KIF16B: variants seen among roughly 807,000 people sequenced by gnomAD.
The protein encoded by KIF16B is kinesin-like protein KIF16B.
Under a neutral mutation model 156.3 loss-of-function variants are expected in KIF16B, and 98 were observed. The ratio of observed to expected loss-of-function variants is 0.63; its 90% confidence interval spans 0.53 to 0.74. The LOEUF is 0.74. Ranked by LOEUF, KIF16B falls within the 30% of genes least tolerant of loss-of-function variation. The pLI is 0.00. For missense variants in KIF16B, 1,421 were observed against 1,606.5 expected (o/e 0.88, Z 1.97); for synonymous variants, 564 against 583.7 (o/e 0.97, Z 0.49).
chr20:16,552,413 G>A (rs561357106), intron 1 of KIF16B, among the ~76,000 whole-genome samples: 98 of 152,306 alleles, frequency 6.4e-4, no homozygotes, highest in Admixed American at 1.0e-3. Context: ...TATGAGCTTC[G>A]TTGAGGTTTT....
chr20:16,379,445 C>G lies in KIF16B; in HGVS notation c.2557G>C (p.Glu853Gln), dbSNP rs1400475040. 2 of 1,613,646 alleles carry G rather than the reference C, an allele frequency of 1.2e-6. No individual in the cohort carries two copies. The highest frequency in any genetic ancestry group is 1.6e-4 in the Middle Eastern group (1 of 6,062). ...LVQQKDILKK[E>Q]VQEEQEILEC... Reference sequence around the variant, plus strand: ...AGGATCTCCTGTTCTTCTTGGACTTCTTTTTTCAGGATGTCTTTCTGCTGA... The same window carrying G: ...AGGATCTCCTGTTCTTCTTGGACTTGTTTTTTCAGGATGTCTTTCTGCTGA... The change falls in exon 19 of 26, where the codon GAA (glutamate) becomes CAA (glutamine). Residue 853 changes from glutamate to glutamine, a missense_variant. Transcript: ENST00000354981.
intron 1 of KIF16B, among the ~76,000 whole-genome samples, chr20:16,538,680 T>G (rs1464380235): frequency 6.6e-6 from 1 of 152,152 alleles, no homozygotes; most frequent in African/African-American, 2.4e-5. Context: ...GATACATGAG[T>G]TAGAAGAACA....
rs2064701051 is a variant in KIF16B, at chr20:16,367,514, T to G, written c.3498+3072A>C. 20 of 1,612,886 alleles carry G rather than the reference T, an allele frequency of 1.2e-5. No individual in the cohort carries two copies. In the East Asian group the frequency reaches 4.5e-4, roughly 36 times the overall value. On this transcript the variant is annotated intron_variant, in intron 22 of 25. Transcript: ENST00000354981. ...TCCTTCACCAGTGCAATGTGGGTGT[T>G]CAGAAGGACTAGCGACTGGCACTGG... is the stretch of plus-strand genomic sequence containing the variant.
At chr20:16,511,847 A>G (rs902004475) in intron 5 of KIF16B, among the ~76,000 whole-genome samples, 1 of 152,170 alleles carries the variant, frequency 6.6e-6, no homozygotes, top group Admixed American at 6.5e-5. Flanking sequence ...GATTTCCAAG[A>G]CTGTATCAAG....
chr20:16,466,016 A>C (rs893353835), intron 12 of KIF16B, among the ~76,000 whole-genome samples: 1 of 152,250 alleles, frequency 6.6e-6, no homozygotes, highest in Admixed American at 6.5e-5. Context: ...TAACCACCAC[A>C]GATTTTAGAA....
intron 15 of KIF16B, among the ~76,000 whole-genome samples, chr20:16,408,699 T>C (rs1242224131): frequency 1.3e-5 from 2 of 152,126 alleles, no homozygotes; most frequent in Non-Finnish European, 2.9e-5. Flanking sequence ...GTTATCTGCA[T>C]GAAATACACA....
At chr20:16,326,747 C>G (rs888530858) in intron 24 of KIF16B, among the ~76,000 whole-genome samples, 1 of 151,900 alleles carries the variant, frequency 6.6e-6, no homozygotes, top group Non-Finnish European at 1.5e-5. Context: ...AGTACAACCA[C>G]TATAGAAAAC....
At chr20:16,572,997 G>T (rs1193205672) in intron 1 of KIF16B, among the ~76,000 whole-genome samples, 2 of 152,098 alleles carry the variant, frequency 1.3e-5, no homozygotes, top group Non-Finnish European at 2.9e-5. Context: ...TAATACGATG[G>T]AGAGAGTTAA....
chr20:16,331,304 C>T (rs1203948596), intron 24 of KIF16B, among the ~76,000 whole-genome samples: 1 of 152,166 alleles, frequency 6.6e-6, no homozygotes, highest in Non-Finnish European at 1.5e-5. Context: ...AGACCTGTCA[C>T]ACCAAACTGT....
chr20:16,379,246 G>A lies in KIF16B; in HGVS notation c.2756C>T (p.Thr919Ile). Reference protein sequence around the residue: ...LQYLLQNHLPTLLEEKQRAFE... With the variant: ...LQYLLQNHLPILLEEKQRAFE... ...TGCTCTCTGCTTTTCTTCCAACAGA[G>A]TTGGCAAGTGATTCTGCAGGAGGTA... Residue 919 changes from threonine (T) to isoleucine (I), a missense_variant, in exon 19 of 26, where the codon ACT (threonine) becomes ATT (isoleucine). Thr to Ile is a moderately conservative substitution (Grantham distance 89). Coordinates refer to ENST00000354981, the MANE Select transcript of KIF16B (RefSeq NM_024704.5). The A allele has an allele frequency of 1.2e-6, 2 of 1,614,114 alleles. No individual in the cohort carries two copies. Among genetic ancestry groups the A allele is most frequent in the Non-Finnish European group, 1.7e-6 (2 of 1,180,036 alleles).
At chr20:16,490,019 C>T (rs1014513025) in intron 12 of KIF16B, among the ~76,000 whole-genome samples, 2 of 151,976 alleles carry the variant, frequency 1.3e-5, no homozygotes, top group South Asian at 2.1e-4. Flanking sequence ...GGGACAGGAC[C>T]GCCGCCTGCA....
chr20:16,279,397 G>A (rs993555312), intron 25 of KIF16B, among the ~76,000 whole-genome samples: 1 of 152,176 alleles, frequency 6.6e-6, no homozygotes. Context: ...GCAGTTTCAG[G>A]AGAGCCTTTG....
chr20:16,553,456 G>T lies in KIF16B; in HGVS notation c.47+19773C>A, dbSNP rs894198957. Among the ~76,000 whole-genome samples the T allele has an allele frequency of 2.6e-5, 4 of 152,268 alleles. No individual in the cohort carries two copies. The South Asian group carries it at 6.2e-4, about 24-fold the overall frequency. ...GGGATCGTACCCTTACTCATCTCTA[G>T]CCAAGAAAAGCTCTGTGGCTTTTAT... is the stretch of plus-strand genomic sequence containing the variant. On this transcript the variant is annotated intron_variant, in intron 1 of 25. Coordinates refer to ENST00000354981, the MANE Select transcript of KIF16B (RefSeq NM_024704.5).
chr20:16,566,548 G>A (rs992125390), intron 1 of KIF16B, among the ~76,000 whole-genome samples: 1 of 152,148 alleles, frequency 6.6e-6, no homozygotes, highest in African/African-American at 2.4e-5. Flanking sequence ...GCTTACTTTT[G>A]GGCCCAGCAC....
chr20:16,463,123 C>T (rs1331128291), intron 12 of KIF16B, among the ~76,000 whole-genome samples: 7 of 152,180 alleles, frequency 4.6e-5, no homozygotes, highest in Admixed American at 6.5e-5. Context: ...TAAAACCAAC[C>T]GCATCTCGCT....
intron 17 of KIF16B, chr20:16,382,211 T>A: frequency 2.6e-6 from 2 of 779,530 alleles, no homozygotes; most frequent in Non-Finnish European, 3.7e-6. Flanking sequence ...TAGGAAGGAA[T>A]ATCAGGAGAA....
intron 25 of KIF16B, among the ~76,000 whole-genome samples, chr20:16,278,743 G>C (rs1000407863): frequency 3.3e-5 from 5 of 152,166 alleles, no homozygotes; most frequent in Non-Finnish European, 4.4e-5. Flanking sequence ...GCAGAAGAAG[G>C]GGGGATGTGG....
chr20:16,531,231 A>T (rs992186739), intron 1 of KIF16B, among the ~76,000 whole-genome samples: 1 of 152,072 alleles, frequency 6.6e-6, no homozygotes, highest in African/African-American at 2.4e-5. Context: ...GTCCCCTCTG[A>T]AAGATCAAAG....
At chr20:16,307,675 T>C (rs146469897) in intron 25 of KIF16B, among the ~76,000 whole-genome samples, 6 of 152,326 alleles carry the variant, frequency 3.9e-5, no homozygotes, top group Non-Finnish European at 5.9e-5. Context: ...AAGAAAAGAA[T>C]TGTGCTTCTA....
Sources: allele counts gnomAD v4.1 joint callset (sites outside exome capture counted in the v4.1 genomes callset), GRCh38; gene constraint gnomAD v4.1.1; transcripts MANE v1.5; gene names NCBI Gene and HGNC (gene_info 2026-07-23, HGNC 2026-07-21).